The following RPL14 variants were observed in gnomAD, a reference collection of about 807,000 sequenced individuals.
RPL14 encodes the protein large ribosomal subunit protein eL14.
RPL14 carries 4 observed loss-of-function variants against 25.3 expected under a neutral mutation model. The ratio of observed to expected loss-of-function variants is 0.16; its 90% CI spans 0.08 to 0.36. The LOEUF (loss-of-function observed/expected upper bound fraction) is 0.36, where lower values mean the gene tolerates loss of function less well. RPL14 is among the 10% of genes least tolerant of loss of function. The pLI, the probability that RPL14 is intolerant of heterozygous loss-of-function variation, is 1.00. For missense variants in RPL14, 212 were observed against 261.9 expected, an observed-to-expected ratio of 0.81 and a Z score of 1.31; for synonymous variants, 75 against 89.8, an observed-to-expected ratio of 0.84 and a Z score of 0.93.
intron 2 of RPL14, 123 bp from the exon 3 acceptor site, chr3:40,458,519 C>T: frequency 1.4e-6 from 1 of 702,472 alleles, no homozygotes; most frequent in Admixed American, 2.4e-5. Context: ...CTTTTCTGAG[C>T]AATTTATTAA....
In RPL14 at chr3:40,466,515, C is replaced by CAAAAAAAA. The variant is rs377428247; in HGVS notation, c.*4295_*4302dup. The CAAAAAAAA allele has an allele frequency of 8.1e-6, 1 of 123,652 alleles. No individual in the cohort carries two copies. The highest frequency in any genetic ancestry group is 1.6e-5 in the Non-Finnish European group (1 of 61,782). 7.7% of individuals were successfully genotyped at this position (123,652 alleles called of 1,614,324 possible). A position where few individuals can be genotyped will look rare whatever the true frequency, so the allele number is the denominator to read the frequency against. ...GTGAAACCCTGTCTCTACTAAAAAT[C>CAAAAAAAA]AAAAAAAAAAAAAAAAAAATGGCTG... On this transcript the variant is annotated 3_prime_UTR_variant, in exon 6 of 6. Coordinates refer to ENST00000396203, the MANE Select transcript of RPL14 (RefSeq NM_001034996.3).
chr3:40,461,840 A>G, intron 5 of RPL14, 99 bp from the exon 6 acceptor site: 1 of 1,360,242 alleles, frequency 7.4e-7, no homozygotes, highest in Non-Finnish European at 1.0e-6. Context: ...ATGTAGTTGT[A>G]GGGAAACAGA....
At chr3:40,457,674 G>A in intron 1 of RPL14, 200 bp downstream of exon 1, 1 of 653,434 alleles carries the variant, frequency 1.5e-6, no homozygotes, top group Non-Finnish European at 2.6e-6. Context: ...TGTGGGCCTT[G>A]CGGACCTGGG....
chr3:40,457,931 C>T lies in RPL14; in HGVS notation c.45C>T (p.Val15=), dbSNP rs1696869402. The change falls in exon 2 of 6, where the codon GTC becomes GTT. Residue 15 remains valine, a synonymous_variant. Coordinates refer to ENST00000396203, the MANE Select transcript of RPL14 (RefSeq NM_001034996.3). Reference sequence around the variant, plus strand: ...TGGAGGTTGGCCGGGTGGCCTATGTCTCCTTTGGACCTCATGCCGGAAAAT... The same window carrying T: ...TGGAGGTTGGCCGGGTGGCCTATGTTTCCTTTGGACCTCATGCCGGAAAAT... ...RFVEVGRVAY[V]SFGPHAGKLV... is the part of the protein sequence containing the mutation. 1.9e-6 allele frequency: 3 copies of T among 1,614,112 alleles called. No individual in the cohort carries two copies. In the East Asian group the frequency reaches 6.7e-5, roughly 36 times the overall value.
chr3:40,463,894 A>G lies in RPL14; in HGVS notation c.*1662A>G, dbSNP rs1449495607. ...TTGGACTTCTGTTTCTCTCTACCAC[A>G]AGATACAGGTAATTTGGGGCAGTAA... On this transcript the variant is annotated 3_prime_UTR_variant, in exon 6 of 6. Coordinates refer to ENST00000396203, the MANE Select transcript of RPL14 (RefSeq NM_001034996.3). The G allele has an allele frequency of 6.5e-6, 1 of 153,520 alleles. No individual in the cohort carries two copies. Among genetic ancestry groups the G allele is most frequent in the Admixed American group, 6.4e-5 (1 of 15,504 alleles). 9.5% of individuals were successfully genotyped at this position (153,520 alleles called of 1,614,324 possible). A position where few individuals can be genotyped will look rare whatever the true frequency, so the allele number is the denominator to read the frequency against.
chr3:40,464,625 CAGATTT>C lies in RPL14; in HGVS notation c.*2398_*2403del, dbSNP rs1697001710. The stretch of plus-strand genomic sequence containing the variant: ...GGTTTTTTAAAATGGCGTGATATCT[CAGATTT>C]AGATCATTGAACTGTTAAGACTGAA... On this transcript the variant is annotated 3_prime_UTR_variant, in exon 6 of 6. Transcript: ENST00000396203. 2.3e-6 allele frequency: 1 copy of C among 431,168 alleles called. No individual in the cohort carries two copies. The highest frequency in any genetic ancestry group is 4.7e-6 in the Non-Finnish European group (1 of 213,826). The allele number at this position is 431,168 out of a possible 1,614,324, so 26.7% of individuals were successfully genotyped here.
At position 40,458,010 on chromosome 3, in the gene RPL14, T is replaced by C; in HGVS notation, c.105+19T>C. 2 of 1,604,208 alleles carry C rather than the reference T, an allele frequency of 1.2e-6. No individual in the cohort carries two copies. Among genetic ancestry groups the C allele is most frequent in the Non-Finnish European group, 1.7e-6 (2 of 1,170,978 alleles). ...GAACAGGGTAAGTGTCACAACTTTT[T>C]ACTAAACATGGCAGTGGACATGTGC... On this transcript the variant is annotated intron_variant, in intron 2 of 5. Transcript: ENST00000396203.
rs1696982843 is a variant in RPL14, at chr3:40,463,632, C to G, written c.*1400C>G. On this transcript the variant is annotated 3_prime_UTR_variant, in exon 6 of 6. Transcript: ENST00000396203. The stretch of plus-strand genomic sequence containing the variant: ...AGCTATGACACTACAATTTAAAAAT[C>G]CCTAGCCTACCCGCATGGTGGGTTA... 1 of 152,212 alleles carries G rather than the reference C, an allele frequency of 6.6e-6. No individual in the cohort carries two copies. Among genetic ancestry groups the G allele is most frequent in the Admixed American group, 6.5e-5 (1 of 15,276 alleles). The allele number at this position is 152,212 out of a possible 1,614,324, so 9.4% of individuals were successfully genotyped here.
rs922225878 is a variant in RPL14, at chr3:40,463,791, A to G, written c.*1559A>G. 8 of 152,330 alleles carry G rather than the reference A, an allele frequency of 5.3e-5. No individual in the cohort carries two copies. Among genetic ancestry groups the G allele is most frequent in the African/African-American group, 1.7e-4 (7 of 41,440 alleles). 9.4% of individuals were successfully genotyped at this position (152,330 alleles called of 1,614,324 possible). A position where few individuals can be genotyped will look rare whatever the true frequency, so the allele number is the denominator to read the frequency against. Reference sequence around the variant, plus strand: ...GTCCCATCCCCAAAGTGTCATGTATATGCACTTAACTCCAACATCAGAACA... The same window carrying G: ...GTCCCATCCCCAAAGTGTCATGTATGTGCACTTAACTCCAACATCAGAACA... On this transcript the variant is annotated 3_prime_UTR_variant, in exon 6 of 6. Coordinates refer to ENST00000396203, the MANE Select transcript of RPL14 (RefSeq NM_001034996.3).
In RPL14 at chr3:40,457,996, G is replaced by A; in HGVS notation, c.105+5G>A. 1.2e-6 allele frequency: 2 copies of A among 1,613,478 alleles called. No homozygotes were observed. The highest frequency in any genetic ancestry group is 2.2e-5 in the East Asian group (1 of 44,890). On this transcript the variant is annotated splice_donor_5th_base_variant and intron_variant, in intron 2 of 5. Transcript: ENST00000396203. ...GATGTTATTGATCAGAACAGGGTAA[G>A]TGTCACAACTTTTTACTAAACATGG...
intron 2 of RPL14, 91 bp from the exon 3 acceptor site, chr3:40,458,551 G>T: frequency 1.1e-6 from 1 of 931,994 alleles, no homozygotes; most frequent in Non-Finnish European, 1.7e-6. Context: ...GGGTTTGATG[G>T]CCCTGAACGG....
In RPL14 at chr3:40,462,172, G is replaced by C; in HGVS notation, c.588G>C (p.Lys196Asn). 1 of 1,611,744 alleles carries C rather than the reference G, an allele frequency of 6.2e-7. No individual in the cohort carries two copies. Among genetic ancestry groups the C allele is most frequent in the Non-Finnish European group, 8.5e-7 (1 of 1,179,236 alleles). The change falls in exon 6 of 6, where the codon AAG (lysine) becomes AAC (asparagine). Residue 196 changes from lysine (K) to asparagine (N), a missense_variant. Physicochemically the swap from Lys to Asn is moderately conservative, Grantham distance 94. Coordinates refer to ENST00000396203, the MANE Select transcript of RPL14 (RefSeq NM_001034996.3). ...QKAAPAPKAQ[K>N]GQKAPAQKAP... Reference sequence around the variant, plus strand: ...CAGCGCCTGCTCCAAAAGCTCAGAAGGGTCAAAAAGCTCCAGCCCAGAAAG... The same window carrying C: ...CAGCGCCTGCTCCAAAAGCTCAGAACGGTCAAAAAGCTCCAGCCCAGAAAG...
rs908586661 is a variant in RPL14, at chr3:40,468,424, C to T, written c.*6192C>T. On this transcript the variant is annotated 3_prime_UTR_variant, in exon 6 of 6. Coordinates refer to ENST00000396203, the MANE Select transcript of RPL14 (RefSeq NM_001034996.3). ...TGTGAAAAGTAGTATCTTACTTTAACTTGTATTTTCCTGGTCCAATAGTGC... is the reference window on the plus strand; with the variant it reads ...TGTGAAAAGTAGTATCTTACTTTAATTTGTATTTTCCTGGTCCAATAGTGC... 6.6e-6 allele frequency: 1 copy of T among 152,160 alleles called. No homozygotes were observed. Among genetic ancestry groups the T allele is most frequent in the Non-Finnish European group, 1.5e-5 (1 of 68,034 alleles). The allele number at this position is 152,160 out of a possible 1,614,324, so 9.4% of individuals were successfully genotyped here.
rs964799539 is a variant in RPL14 at position 40,462,597 on chromosome 3, C to T, written c.*365C>T. ...TTCACCGTGTTAGCCAGGATGGTCTCGCTCTCCTGACCTCGTGATCCGCCC... is the reference window on the plus strand; with the variant it reads ...TTCACCGTGTTAGCCAGGATGGTCTTGCTCTCCTGACCTCGTGATCCGCCC... On this transcript the variant is annotated 3_prime_UTR_variant, in exon 6 of 6. Coordinates refer to ENST00000396203, the MANE Select transcript of RPL14 (RefSeq NM_001034996.3). The T allele has an allele frequency of 2.4e-5, 4 of 168,954 alleles. No individual in the cohort carries two copies. Among genetic ancestry groups the T allele is most frequent in the Non-Finnish European group, 2.5e-5 (2 of 78,658 alleles). The allele number at this position is 168,954 out of a possible 1,614,324, so 10.5% of individuals were successfully genotyped here. A position where few individuals can be genotyped will look rare whatever the true frequency, so the allele number is the denominator to read the frequency against.
In RPL14 at chr3:40,462,027, G is replaced by T. The variant is rs199894150; in HGVS notation, c.443G>T (p.Gly148Val). 36 of 404,200 alleles carry T rather than the reference G, an allele frequency of 8.9e-5. No individual in the cohort carries two copies. Among genetic ancestry groups the T allele is most frequent in the Non-Finnish European group, 1.5e-4 (36 of 247,280 alleles). The allele number at this position is 404,200 out of a possible 1,614,324, so 25.0% of individuals were successfully genotyped here. A position where few individuals can be genotyped will look rare whatever the true frequency, so the allele number is the denominator to read the frequency against. ...CCCAAAAAAGCACCTGGTACTAAGG[G>T]TACTGCTGCTGCTGCTGCTGCTGCT... ...ASPKKAPGTK[G>V]TAAAAAAAAA... Residue 148 changes from glycine to valine, a missense_variant, in exon 6 of 6, where the codon GGT becomes GTT. By Grantham distance (109) the Gly-to-Val change is moderately radical (BLOSUM62 -3). This residue lies in a region of RPL14 where 143 missense variants were observed against 180.3 expected (regional missense o/e 0.79). Coordinates refer to ENST00000396203, the MANE Select transcript of RPL14 (RefSeq NM_001034996.3).
chr3:40,458,075 A>G lies in RPL14; in HGVS notation c.105+84A>G. On this transcript the variant is annotated intron_variant, in intron 2 of 5. Coordinates refer to ENST00000396203, the MANE Select transcript of RPL14 (RefSeq NM_001034996.3). ...TAATGAATTGTCTCGATGGCTGTGTAAGATGAGGATGCTATGGGTAGTCGC... is the reference window on the plus strand; with the variant it reads ...TAATGAATTGTCTCGATGGCTGTGTGAGATGAGGATGCTATGGGTAGTCGC... 3.4e-6 allele frequency: 4 copies of G among 1,162,932 alleles called. No homozygotes were observed. The South Asian group carries it at 4.9e-5, about 14-fold the overall frequency. The allele number at this position is 1,162,932 out of a possible 1,614,324, so 72.0% of individuals were successfully genotyped here.
rs1447695941 is a variant in RPL14 at position 40,459,010 on chromosome 3, C to T, written c.200+274C>T. On this transcript the variant is annotated intron_variant, in intron 3 of 5. Coordinates refer to ENST00000396203, the MANE Select transcript of RPL14 (RefSeq NM_001034996.3). ...GGCAACATGGCGAAAACCCCCATCTCTACAAAAAATAAAAAAAAAATTCGT... is the reference window on the plus strand; with the variant it reads ...GGCAACATGGCGAAAACCCCCATCTTTACAAAAAATAAAAAAAAAATTCGT... The T allele has an allele frequency of 1.2e-5, 4 of 345,902 alleles. No homozygotes were observed. In the Admixed American group the frequency reaches 1.3e-4, roughly 12 times the overall value. The allele number at this position is 345,902 out of a possible 1,614,324, so 21.4% of individuals were successfully genotyped here. A position where few individuals can be genotyped will look rare whatever the true frequency, so the allele number is the denominator to read the frequency against.
chr3:40,458,444 G>A, intron 2 of RPL14, 198 bp from the exon 3 acceptor site: 4 of 586,140 alleles, frequency 6.8e-6, no homozygotes, highest in South Asian at 6.1e-5. Flanking sequence ...ATTTAATGAT[G>A]TGGAGAAATG....
At chr3:40,457,651 C>G (rs1250850457) in intron 1 of RPL14, 177 bp downstream of exon 1, 1 of 669,524 alleles carries the variant, frequency 1.5e-6, no homozygotes, top group Admixed American at 2.8e-5. Context: ...GGTCCGAGAG[C>G]CTTGTCCTGC....
Sources: gnomAD v4.1 joint callset for allele counts on GRCh38, gnomAD v4.1.1 for gene constraint, gnomAD v4.1.1 regional missense constraint, MANE v1.5 for transcripts, NCBI Gene and HGNC (gene_info 2026-07-23, HGNC 2026-07-21) for gene names.